The following SYNE1 variants were observed in gnomAD, a reference collection of about 807,000 sequenced individuals.
The protein encoded by SYNE1 is spectrin repeat containing nuclear envelope protein 1, also known as nesprin-1.
A neutral mutation model predicts 1,111.0 loss-of-function variants in SYNE1; 616 were observed. The ratio of observed to expected loss-of-function variants is 0.55; its 90% confidence interval spans 0.52 to 0.59. SYNE1 has a LOEUF of 0.59. SYNE1 is among the 20% of genes least tolerant of loss of function. The probability of loss-of-function intolerance (pLI) is 0.00; values close to 1 mark genes in which losing one functional copy is unlikely to be tolerated. For synonymous variants in SYNE1, 3,855 were observed against 3,825.8 expected, an observed-to-expected ratio of 1.01 and a Z score of -0.28; for missense variants, 10,006 against 10,417.0, an observed-to-expected ratio of 0.96 and a Z score of 1.72.
intron 3 of SYNE1, among the ~76,000 whole-genome samples, chr6:152,543,412 T>A (rs1300875218): frequency 6.6e-6 from 1 of 152,180 alleles, no homozygotes; most frequent in Non-Finnish European, 1.5e-5. Flanking sequence ...AAACCCTCAT[T>A]TTTTATGTAA....
chr6:152,483,225 C>T lies in SYNE1; in HGVS notation c.1210G>A (p.Asp404Asn). The T allele has an allele frequency of 6.2e-7, 1 of 1,614,148 alleles. No homozygotes were observed. The highest frequency in any genetic ancestry group is 8.5e-7 in the Non-Finnish European group (1 of 1,180,022). Reference protein sequence around the residue: ...SRLFDWHIQLDKSLPAPLGTI... With the variant: ...SRLFDWHIQLNKSLPAPLGTI... Reference sequence around the variant, plus strand: ...CCCAGAGGTGCAGGAAGAGATTTATCAAGCTGTATATGCCAGTCAAAGAGC... The same window carrying T: ...CCCAGAGGTGCAGGAAGAGATTTATTAAGCTGTATATGCCAGTCAAAGAGC... The change falls in exon 14 of 146, where the codon GAT (aspartate) becomes AAT (asparagine). Residue 404 changes from aspartate to asparagine, a missense_variant. By Grantham distance (23) the Asp-to-Asn change is conservative (BLOSUM62 1). Transcript: ENST00000367255.
intron 101 of SYNE1, 36 bp downstream of exon 101, chr6:152,261,996 T>C: frequency 2.0e-6 from 3 of 1,533,258 alleles, no homozygotes; most frequent in Non-Finnish European, 2.7e-6. Context: ...CTACATCTTT[T>C]ATATTAGTTA....
chr6:152,279,155 T>C lies in SYNE1; in HGVS notation c.18382-875A>G, dbSNP rs1391453401. On this transcript the variant is annotated intron_variant, in intron 97 of 145. Coordinates refer to ENST00000367255, the MANE Select transcript of SYNE1 (RefSeq NM_182961.4). ...AATTTTTCTTTTCTTTTCTTTTTTT[T>C]TTTTTTTTTTTGAGACAAGGTCTCC... Among the ~76,000 whole-genome samples, 16 of 147,134 alleles carry C rather than the reference T, an allele frequency of 1.1e-4. No homozygotes were observed. In the East Asian group the frequency reaches 2.0e-3, roughly 18 times the overall value.
intron 58 of SYNE1, among the ~76,000 whole-genome samples, chr6:152,375,002 G>A (rs972649525): frequency 4.0e-5 from 6 of 151,562 alleles, no homozygotes; most frequent in African/African-American, 7.3e-5. Flanking sequence ...GTGCAGTGGC[G>A]CAATCTTGGC....
chr6:152,152,393 CAACACACATATATA>C (rs1271524608), intron 133 of SYNE1, among the ~76,000 whole-genome samples: 1 of 152,106 alleles, frequency 6.6e-6, no homozygotes, highest in Non-Finnish European at 1.5e-5. Context: ...CACACGCATC[CAACACACATATATA>C]GACACACACA....
intron 12 of SYNE1, among the ~76,000 whole-genome samples, chr6:152,487,112 A>G (rs970201689): frequency 2.0e-5 from 3 of 152,158 alleles, no homozygotes; most frequent in Non-Finnish European, 4.4e-5. Flanking sequence ...TACATAGGTA[A>G]TCATGTGCCA....
At position 152,293,740 on chromosome 6, in the gene SYNE1, T is replaced by G; in HGVS notation, c.17860A>C (p.Lys5954Gln). ...WETLKNVISE[K>Q]QRTLYEALER... is the part of the protein sequence containing the mutation. ...AAAGCTTCATAGAGTGTGCGCTGCTTCTCACTGATCTACACCAGAAAAGGG... is the reference window on the plus strand; with the variant it reads ...AAAGCTTCATAGAGTGTGCGCTGCTGCTCACTGATCTACACCAGAAAAGGG... Residue 5954 changes from lysine (K) to glutamine (Q), a missense_variant, in exon 95 of 146, where the codon AAG becomes CAG. By Grantham distance (53) the Lys-to-Gln change is moderately conservative. Coordinates refer to ENST00000367255, the MANE Select transcript of SYNE1 (RefSeq NM_182961.4). 1 of 1,569,244 alleles carries G rather than the reference T, an allele frequency of 6.4e-7. No homozygotes were observed.
intron 16 of SYNE1, 79 bp downstream of exon 16, chr6:152,471,518 T>C (rs2098805463): frequency 7.2e-7 from 1 of 1,392,836 alleles, no homozygotes; most frequent in Non-Finnish European, 1.0e-6. Context: ...AGAATTAAAA[T>C]AACAACATCA....
chr6:152,429,108 T>TAAA (rs2098403695), intron 36 of SYNE1, among the ~76,000 whole-genome samples: 1 of 143,382 alleles, frequency 7.0e-6, no homozygotes, highest in African/African-American at 2.5e-5. Flanking sequence ...ATAATAATAA[T>TAAA]AATAATAATA....
intron 77 of SYNE1, 32 bp from the exon 78 acceptor site, chr6:152,331,922 T>C: frequency 6.2e-7 from 1 of 1,605,010 alleles, no homozygotes; most frequent in Non-Finnish European, 8.5e-7. Context: ...TAAGAGCAAA[T>C]TAGCTGTAGT....
chr6:152,515,927 A>C (rs757186043), intron 6 of SYNE1, among the ~76,000 whole-genome samples: 12 of 152,252 alleles, frequency 7.9e-5, no homozygotes, highest in African/African-American at 1.2e-4. Context: ...CAGTAAAATG[A>C]GGAATACCTT....
chr6:152,372,446 C>T (rs975164579), intron 59 of SYNE1, among the ~76,000 whole-genome samples: 3 of 152,100 alleles, frequency 2.0e-5, no homozygotes, highest in African/African-American at 7.2e-5. Flanking sequence ...ACCCTCTATG[C>T]CTCTAAATTT....
At chr6:152,150,782 A>C (rs2060270147) in intron 135 of SYNE1, among the ~76,000 whole-genome samples, 1 of 152,242 alleles carries the variant, frequency 6.6e-6, no homozygotes, top group African/African-American at 2.4e-5. Context: ...AATGTGTTTA[A>C]AATTAACTTG....
At chr6:152,552,559 G>A (rs79847248) in intron 3 of SYNE1, among the ~76,000 whole-genome samples, 1,571 of 151,998 alleles carry the variant, frequency 0.01, 23 homozygotes, top group African/African-American at 0.035. Flanking sequence ...TTGACAAGAC[G>A]TAAAGAGAGC....
rs571543206 is a variant in SYNE1, at chr6:152,161,687, C to G, written c.23790+2476G>C. On this transcript the variant is annotated intron_variant, in intron 131 of 145. Coordinates refer to ENST00000367255, the MANE Select transcript of SYNE1 (RefSeq NM_182961.4). ...AGTGGTGAGGATTCTTGCCTACCCA[C>G]ACATATTCAAGAATGAGTCAGCTAT... 2.6e-5 allele frequency among the ~76,000 whole-genome samples: 4 copies of G among 152,192 alleles called. No individual in the cohort carries two copies. In the South Asian group the frequency reaches 8.3e-4, roughly 32 times the overall value.
At chr6:152,282,995 A>G (rs2094122521) in intron 96 of SYNE1, among the ~76,000 whole-genome samples, 1 of 152,178 alleles carries the variant, frequency 6.6e-6, no homozygotes, top group Non-Finnish European at 1.5e-5. Context: ...TGTATTGAGA[A>G]CCCATTATGT....
At chr6:152,458,151 A>G (rs2098708437) in intron 22 of SYNE1, among the ~76,000 whole-genome samples, 1 of 152,208 alleles carries the variant, frequency 6.6e-6, no homozygotes, top group Non-Finnish European at 1.5e-5. Context: ...AAAAGGATAG[A>G]CTATATGTGG....
chr6:152,596,293 C>A (rs1315817410), intron 3 of SYNE1, among the ~76,000 whole-genome samples: 1 of 134,476 alleles, frequency 7.4e-6, no homozygotes, highest in Non-Finnish European at 1.5e-5. Context: ...TTTGAGATGA[C>A]GTCTCACTGT....
intron 3 of SYNE1, among the ~76,000 whole-genome samples, chr6:152,599,456 G>T (rs1419331246): frequency 6.6e-6 from 1 of 152,160 alleles, no homozygotes; most frequent in African/African-American, 2.4e-5. Flanking sequence ...AAATGTCTTT[G>T]GTTCCCAAAG....
Sources: allele counts gnomAD v4.1 joint callset (sites outside exome capture counted in the v4.1 genomes callset), GRCh38; gene constraint gnomAD v4.1.1; transcripts MANE v1.5; gene names NCBI Gene and HGNC (gene_info 2026-07-23, HGNC 2026-07-21).